The following KCNH7 variants were observed in gnomAD, a reference collection of about 807,000 sequenced individuals.
The protein encoded by KCNH7 is voltage-gated inwardly rectifying potassium channel KCNH7.
Under a neutral mutation model 120.8 loss-of-function variants are expected in KCNH7, and 49 were observed. The ratio of observed to expected loss-of-function variants is 0.41; its 90% CI spans 0.32 to 0.51. The LOEUF (loss-of-function observed/expected upper bound fraction) is 0.51, where lower values mean the gene tolerates loss of function less well. KCNH7 is among the 20% of genes least tolerant of loss of function. KCNH7 has a pLI of 0.38. For synonymous variants in KCNH7, 547 were observed against 516.1 expected (o/e 1.06, Z -0.81); for missense variants, 1,097 against 1,446.6 (o/e 0.76, Z 3.92).
intron 2 of KCNH7, among the ~76,000 whole-genome samples, chr2:162,758,483 C>T (rs1432997496): frequency 1.3e-5 from 2 of 151,982 alleles, no homozygotes; most frequent in Admixed American, 6.6e-5. Flanking sequence ...TATACACACA[C>T]ATATTGTTTA....
At chr2:162,638,810 A>T (rs1684049466) in intron 2 of KCNH7, among the ~76,000 whole-genome samples, 1 of 152,096 alleles carries the variant, frequency 6.6e-6, no homozygotes, top group African/African-American at 2.4e-5. Context: ...ACCAATCGAT[A>T]AGAGGGCCTA....
chr2:162,780,434 T>C (rs563005309), intron 2 of KCNH7, among the ~76,000 whole-genome samples: 14 of 152,182 alleles, frequency 9.2e-5, no homozygotes, highest in Non-Finnish European at 1.9e-4. Context: ...CAAAAAGTGA[T>C]GCACTGAATA....
At chr2:162,644,315 T>A (rs941990862) in intron 2 of KCNH7, among the ~76,000 whole-genome samples, 6 of 152,200 alleles carry the variant, frequency 3.9e-5, no homozygotes, top group Admixed American at 2.6e-4. Context: ...GTTTTTCTTT[T>A]TTTTTTAATA....
intron 2 of KCNH7, among the ~76,000 whole-genome samples, chr2:162,779,458 C>G (rs1354890633): frequency 6.6e-6 from 1 of 152,138 alleles, no homozygotes; most frequent in Non-Finnish European, 1.5e-5. Context: ...CTCAGCCTCC[C>G]AAAGTGCTGG....
chr2:162,466,169 A>AAG (rs1689298314), intron 6 of KCNH7, among the ~76,000 whole-genome samples: 1 of 152,182 alleles, frequency 6.6e-6, no homozygotes, highest in Admixed American at 6.5e-5. Flanking sequence ...AAAATGGCAC[A>AAG]AGAGAGACAC....
At chr2:162,417,817 A>G (rs1369964490) in intron 9 of KCNH7, among the ~76,000 whole-genome samples, 5 of 152,170 alleles carry the variant, frequency 3.3e-5, no homozygotes, top group Non-Finnish European at 7.3e-5. Flanking sequence ...ACCATTTGTG[A>G]CCTGAAAACA....
intron 6 of KCNH7, among the ~76,000 whole-genome samples, chr2:162,502,574 C>T (rs75688008): frequency 0.052 from 7,850 of 152,106 alleles, 256 homozygotes; most frequent in Middle Eastern, 0.13. Flanking sequence ...TTACTGACTA[C>T]GCAGTTTGAT....
intron 2 of KCNH7, among the ~76,000 whole-genome samples, chr2:162,549,148 C>G (rs1290306503): frequency 6.6e-6 from 1 of 152,142 alleles, no homozygotes; most frequent in Non-Finnish European, 1.5e-5. Flanking sequence ...GAAAATTTAC[C>G]AGTACATACA....
chr2:162,538,478 G>C (rs1412453127), intron 2 of KCNH7, among the ~76,000 whole-genome samples: 1 of 152,022 alleles, frequency 6.6e-6, no homozygotes, highest in Non-Finnish European at 1.5e-5. Context: ...ACATCAGACG[G>C]AAATGTGAGC....
chr2:162,530,862 C>T (rs1165393922), intron 3 of KCNH7, among the ~76,000 whole-genome samples: 7 of 151,628 alleles, frequency 4.6e-5, no homozygotes, highest in East Asian at 2.0e-4. Flanking sequence ...AATATGAAGT[C>T]GAAATTGAGT....
chr2:162,462,086 A>G (rs552797793), intron 6 of KCNH7, among the ~76,000 whole-genome samples: 1 of 152,192 alleles, frequency 6.6e-6, no homozygotes, highest in African/African-American at 2.4e-5. Flanking sequence ...CAATTATTTT[A>G]TTTTTCTTAA....
At chr2:162,743,966 G>A (rs529616022) in intron 2 of KCNH7, among the ~76,000 whole-genome samples, 12 of 152,224 alleles carry the variant, frequency 7.9e-5, no homozygotes, top group African/African-American at 2.6e-4. Context: ...AAGTTCTGGT[G>A]AAATGGATTT....
intron 2 of KCNH7, among the ~76,000 whole-genome samples, chr2:162,820,032 AC>A (rs1573928371): frequency 1.6e-5 from 2 of 126,708 alleles, no homozygotes; most frequent in African/African-American, 3.1e-5. Context: ...TATTCCATAA[AC>A]TTTTTTTTTT....
intron 2 of KCNH7, among the ~76,000 whole-genome samples, chr2:162,590,681 A>C (rs1694181489): frequency 6.6e-6 from 1 of 152,154 alleles, no homozygotes; most frequent in Non-Finnish European, 1.5e-5. Flanking sequence ...GAAGTCTTCT[A>C]AATTAGAGCT....
intron 3 of KCNH7, among the ~76,000 whole-genome samples, chr2:162,528,994 A>T (rs946478072): frequency 1.5e-4 from 23 of 152,072 alleles, no homozygotes; most frequent in African/African-American, 5.5e-4. Context: ...TTCATAATGT[A>T]TGAAAAGGAA....
intron 2 of KCNH7, among the ~76,000 whole-genome samples, chr2:162,741,027 T>C (rs906057746): frequency 2.0e-5 from 3 of 152,158 alleles, no homozygotes; most frequent in African/African-American, 7.2e-5. Flanking sequence ...TGCTATGATA[T>C]AGGCTTCAGA....
intron 2 of KCNH7, among the ~76,000 whole-genome samples, chr2:162,545,065 A>G (rs943579742): frequency 1.3e-5 from 2 of 152,126 alleles, no homozygotes; most frequent in African/African-American, 4.8e-5. Context: ...TTCTCAACTA[A>G]GTAGCAGAAG....
intron 2 of KCNH7, among the ~76,000 whole-genome samples, chr2:162,805,634 G>A (rs923351462): frequency 6.6e-6 from 1 of 152,034 alleles, no homozygotes; most frequent in African/African-American, 2.4e-5. Context: ...CATTGCTGGT[G>A]GGAATATAAA....
chr2:162,729,163 T>A lies in KCNH7; in HGVS notation c.307+107374A>T, dbSNP rs956699757. On this transcript the variant is annotated intron_variant, in intron 2 of 15. Transcript: ENST00000332142. ...TTGTCATTTTGTCAATATACCCAAA[T>A]TTTTTTTTTTTTTTTTTTTTGAGAC... Among the ~76,000 whole-genome samples, 94 of 68,668 alleles carry A rather than the reference T, an allele frequency of 1.4e-3. 1 individual carries two copies. In the Middle Eastern group the frequency reaches 0.022, roughly 16 times the overall value. The allele number at this position is 68,668 out of a possible 152,430, so 45.0% of individuals were successfully genotyped here.
Sources: gnomAD v4.1 joint callset for allele counts (sites outside exome capture counted in the v4.1 genomes callset) on GRCh38, gnomAD v4.1.1 for gene constraint, MANE v1.5 for transcripts, NCBI Gene and HGNC (gene_info 2026-07-23, HGNC 2026-07-21) for gene names.